Variants in PSD observed in about 807,000 individuals in gnomAD.
PSD encodes pleckstrin and Sec7 domain containing.
Under a neutral mutation model 91.6 loss-of-function variants are expected in PSD, and 32 were observed. The ratio of observed to expected loss-of-function variants is 0.35; its 90% CI spans 0.26 to 0.47. PSD has a LOEUF of 0.47. Among genes scored for constraint, PSD ranks in the 20% least tolerant of loss-of-function variants. PSD has a pLI of 1.00. For synonymous variants in PSD, 532 were observed against 569.3 expected (o/e 0.93, Z 0.93); for missense variants, 1,099 against 1,373.9 (o/e 0.80, Z 3.16).
chr10:102,410,718 T>C lies in PSD; in HGVS notation c.2091+140A>G, dbSNP rs2061416629. The C allele has an allele frequency of 2.8e-6, 2 of 710,552 alleles. No homozygotes were observed. Among genetic ancestry groups the C allele is most frequent in the Non-Finnish European group, 2.5e-6 (1 of 400,260 alleles). 44.0% of individuals were successfully genotyped at this position (710,552 alleles called of 1,614,324 possible). ...GGGAGGGGGCGGTCCCCAGGCTGAG[T>C]CACGAGAGCCCGGGCTTCCGTGGCA... On this transcript the variant is annotated intron_variant, in intron 10 of 16. Coordinates refer to ENST00000020673, the MANE Select transcript of PSD (RefSeq NM_002779.5). The surrounding 1 kb of genome is among the most constrained non-coding windows in gnomAD (Gnocchi z 6.0).
In PSD at chr10:102,416,716, T is replaced by A; in HGVS notation, c.323A>T (p.Lys108Met). ...SSVVIFRFVE[K>M]ASVRPLNGLP... ...CCCATTCAGTGGCCTCACACTGGCC[T>A]TCTCCACAAAGCGGAAGATGACCAC... Residue 108 changes from lysine (K) to methionine (M), a missense_variant, in exon 2 of 17, where the codon AAG becomes ATG. Lys to Met is a moderately conservative substitution (Grantham distance 95, BLOSUM62 -1). This residue lies in a region of PSD where 631 missense variants were observed against 728.8 expected (regional missense o/e 0.87). Coordinates refer to ENST00000020673, the MANE Select transcript of PSD (RefSeq NM_002779.5). This position sits in a 1 kb window ranked among gnomAD's most constrained non-coding sequence, Gnocchi z 6.0. 1 of 1,599,514 alleles carries A rather than the reference T, an allele frequency of 6.3e-7. No individual in the cohort carries two copies. Among genetic ancestry groups the A allele is most frequent in the South Asian group, 1.1e-5 (1 of 88,890 alleles).
At chr10:102,413,682 A>G (rs1039223838) in intron 5 of PSD, 87 bp downstream of exon 5, 70 of 1,372,102 alleles carry the variant, frequency 5.1e-5, no homozygotes, top group Non-Finnish European at 6.6e-5. Flanking sequence ...ATATAAACCA[A>G]TCCTCACACT....
In PSD at chr10:102,413,790, A is replaced by G; in HGVS notation, c.1532T>C (p.Leu511Pro). Reference protein sequence around the residue: ...SPCHSEDSLGLGAAPLGSEPP... With the variant: ...SPCHSEDSLGPGAAPLGSEPP... ...TTACCTGCCAAGGGGTGCTGCCCCC[A>G]GCCCAAGGCTGTCCTCTGAGTGGCA... Residue 511 changes from leucine (L) to proline (P), a missense_variant, in exon 5 of 17, where the codon CTG becomes CCG. By Grantham distance (98) the Leu-to-Pro change is moderately conservative. This residue lies in a region of PSD where 631 missense variants were observed against 728.8 expected (regional missense o/e 0.87). Transcript: ENST00000020673. 1 of 1,611,732 alleles carries G rather than the reference A, an allele frequency of 6.2e-7. No individual in the cohort carries two copies. The highest frequency in any genetic ancestry group is 8.5e-7 in the Non-Finnish European group (1 of 1,178,336).
intron 1 of PSD, 134 bp downstream of exon 1, chr10:102,418,567 A>T: frequency 2.7e-6 from 1 of 376,300 alleles, no homozygotes; most frequent in Non-Finnish European, 5.5e-6. Flanking sequence ...AACCAGGTAA[A>T]GGGGCCTCTG....
In PSD at chr10:102,414,475, A is replaced by G. The variant is rs1348123577; in HGVS notation, c.1125-278T>C. Among the ~76,000 whole-genome samples the G allele has an allele frequency of 2.0e-5, 3 of 146,880 alleles. No homozygotes were observed. Among genetic ancestry groups the G allele is most frequent in the Non-Finnish European group, 3.0e-5 (2 of 66,678 alleles). On this transcript the variant is annotated intron_variant, in intron 4 of 16. Coordinates refer to ENST00000020673, the MANE Select transcript of PSD (RefSeq NM_002779.5). The surrounding 1 kb of genome is among the most constrained non-coding windows in gnomAD (Gnocchi z 5.6). ...TGATCCGCTTCCCTTCTGCCATCCCATTTCTATTTCTAGCAACATCTTAGG... is the reference window on the plus strand; with the variant it reads ...TGATCCGCTTCCCTTCTGCCATCCCGTTTCTATTTCTAGCAACATCTTAGG...
Position 102,414,107 on chromosome 10 carries a change from C to T in PSD, c.1215G>A (p.Val405=). Reference sequence around the variant, plus strand: ...GGTGTGACTCCAGGATGGCTTCGAACACACAACTGAAAGAGTCAGGCCCAT... The same window carrying T: ...GGTGTGACTCCAGGATGGCTTCGAATACACAACTGAAAGAGTCAGGCCCAT... ...SADGPDSFSC[V]FEAILESHRA... Residue 405 remains valine, a synonymous_variant, in exon 5 of 17, where the codon GTG becomes GTA. Transcript: ENST00000020673. This position sits in a 1 kb window ranked among gnomAD's most constrained non-coding sequence, Gnocchi z 5.6. The T allele has an allele frequency of 1.2e-6, 2 of 1,614,108 alleles. No individual in the cohort carries two copies. Among genetic ancestry groups the T allele is most frequent in the East Asian group, 2.2e-5 (1 of 44,878 alleles).
At chr10:102,408,853 C>A (rs2061393346) in intron 10 of PSD, 1 of 984,190 alleles carries the variant, frequency 1.0e-6, no homozygotes, top group Non-Finnish European at 1.2e-6. Flanking sequence ...CCCCCTCGGT[C>A]GCCCCGCAAC....
At position 102,404,302 on chromosome 10, in the gene PSD, C is replaced by T. The variant is rs1223659080; in HGVS notation, c.2700+281G>A. Among the ~76,000 whole-genome samples, 4 of 148,084 alleles carry T rather than the reference C, an allele frequency of 2.7e-5. No individual in the cohort carries two copies. Among genetic ancestry groups the T allele is most frequent in the Non-Finnish European group, 4.4e-5 (3 of 67,612 alleles). The stretch of plus-strand genomic sequence containing the variant: ...GGCAGAGCTTGCAGTGAGCTGAGAT[C>T]GTGCCACGGCACTCCCACCTGGGCA... On this transcript the variant is annotated intron_variant, in intron 15 of 16. Coordinates refer to ENST00000020673, the MANE Select transcript of PSD (RefSeq NM_002779.5). This position sits in a 1 kb window ranked among gnomAD's most constrained non-coding sequence, Gnocchi z 5.7.
rs375172432 is a variant in PSD at position 102,411,014 on chromosome 10, C to T, written c.2001+44G>A. The T allele has an allele frequency of 1.1e-5, 17 of 1,613,264 alleles. No individual in the cohort carries two copies. The African/African-American group carries it at 2.3e-4, about 22-fold the overall frequency. On this transcript the variant is annotated intron_variant, in intron 9 of 16. Coordinates refer to ENST00000020673, the MANE Select transcript of PSD (RefSeq NM_002779.5). ...GGCCTCCCAGGTCCTGCATGTCTGGCCAGGGGTTTGTTTTCCGGCTCCTGC... is the reference window on the plus strand; with the variant it reads ...GGCCTCCCAGGTCCTGCATGTCTGGTCAGGGGTTTGTTTTCCGGCTCCTGC...
chr10:102,410,798 T>G lies in PSD; in HGVS notation c.2091+60A>C. 8.2e-6 allele frequency: 10 copies of G among 1,225,726 alleles called. No homozygotes were observed. The highest frequency in any genetic ancestry group is 1.2e-5 in the Non-Finnish European group (10 of 832,732). The allele number at this position is 1,225,726 out of a possible 1,614,324, so 75.9% of individuals were successfully genotyped here. A position where few individuals can be genotyped will look rare whatever the true frequency, so the allele number is the denominator to read the frequency against. On this transcript the variant is annotated intron_variant, in intron 10 of 16. Coordinates refer to ENST00000020673, the MANE Select transcript of PSD (RefSeq NM_002779.5). The surrounding 1 kb of genome is among the most constrained non-coding windows in gnomAD (Gnocchi z 6.0). ...GCCCTCCCTCCGACTCTGGACTCCGTCGCCGACTGGGTCCTCCATCCTTCC... is the reference window on the plus strand; with the variant it reads ...GCCCTCCCTCCGACTCTGGACTCCGGCGCCGACTGGGTCCTCCATCCTTCC...
rs942638819 is a variant in PSD, at chr10:102,403,980, C to T, written c.2706G>A (p.Glu902=). 2.6e-6 allele frequency: 4 copies of T among 1,553,914 alleles called. No individual in the cohort carries two copies. In the African/African-American group the frequency reaches 5.4e-5, roughly 21 times the overall value. ...GCTTGGCCTCGTGGGTCCGCACCTG[C>T]TCCTCCTAGCGGCCAGGGGGAGGCA... ...PSAATRLSQE[E]QVRTHEAKLK... The change falls in exon 16 of 17, where the codon GAG becomes GAA. Residue 902 remains glutamate (E), a synonymous_variant. Transcript: ENST00000020673. This position sits in a 1 kb window ranked among gnomAD's most constrained non-coding sequence, Gnocchi z 6.7.
At chr10:102,407,538 C>T (rs779064051) in intron 10 of PSD, among the ~76,000 whole-genome samples, 8 of 152,160 alleles carry the variant, frequency 5.3e-5, no homozygotes, top group Non-Finnish European at 8.8e-5. Flanking sequence ...ACAAGGCTGA[C>T]GCACAGTAAA....
intron 7 of PSD, 90 bp from the exon 8 acceptor site, chr10:102,411,909 C>G: frequency 9.7e-7 from 1 of 1,028,434 alleles, no homozygotes; most frequent in East Asian, 2.5e-5. Flanking sequence ...AGTACAGCAG[C>G]TGGGGTGGGA....
At position 102,404,823 on chromosome 10, in the gene PSD, A is replaced by C; in HGVS notation, c.2555+75T>G. On this transcript the variant is annotated intron_variant, in intron 14 of 16. Coordinates refer to ENST00000020673, the MANE Select transcript of PSD (RefSeq NM_002779.5). The surrounding 1 kb of genome is among the most constrained non-coding windows in gnomAD (Gnocchi z 5.7). ...AGTGTGGCCTGAGAAGGAATGAAAA[A>C]ATCCAGGGACAGGGAGGGGAGCAGG... 1 of 1,577,194 alleles carries C rather than the reference A, an allele frequency of 6.3e-7. No individual in the cohort carries two copies. Among genetic ancestry groups the C allele is most frequent in the Non-Finnish European group, 8.6e-7 (1 of 1,160,044 alleles).
chr10:102,410,262 T>G lies in PSD; in HGVS notation c.2091+596A>C, dbSNP rs542348698. On this transcript the variant is annotated intron_variant, in intron 10 of 16. Transcript: ENST00000020673. This position sits in a 1 kb window ranked among gnomAD's most constrained non-coding sequence, Gnocchi z 6.0. Reference sequence around the variant, plus strand: ...TCTCCTACCGGCACCAGCCCCTACGTATCTGAGCCCTCGGTTGCGGGCCAT... The same window carrying G: ...TCTCCTACCGGCACCAGCCCCTACGGATCTGAGCCCTCGGTTGCGGGCCAT... 2.2e-3 allele frequency among the ~76,000 whole-genome samples: 329 copies of G among 152,282 alleles called. No individual in the cohort carries two copies. Among genetic ancestry groups the G allele is most frequent in the Non-Finnish European group, 4.2e-3 (284 of 68,014 alleles).
rs537822139 is a variant in PSD, at chr10:102,404,115, A to G, written c.2701-130T>C. The stretch of plus-strand genomic sequence containing the variant: ...TGTAATCCCAGCACTTTGGGAGGCC[A>G]AGGCGGGCGGATCACGAGGTCAGGA... On this transcript the variant is annotated intron_variant, in intron 15 of 16. Transcript: ENST00000020673. The surrounding 1 kb of genome is among the most constrained non-coding windows in gnomAD (Gnocchi z 5.7). 152 of 1,141,568 alleles carry G rather than the reference A, an allele frequency of 1.3e-4. No individual in the cohort carries two copies. In the African/African-American group the frequency reaches 1.9e-3, roughly 14 times the overall value. The allele number at this position is 1,141,568 out of a possible 1,614,324, so 70.7% of individuals were successfully genotyped here.
At position 102,416,583 on chromosome 10, in the gene PSD, T is replaced by C; in HGVS notation, c.456A>G (p.Glu152=). Residue 152 remains glutamate, a synonymous_variant, in exon 2 of 17, where the codon GAA becomes GAG. Coordinates refer to ENST00000020673, the MANE Select transcript of PSD (RefSeq NM_002779.5). This position sits in a 1 kb window ranked among gnomAD's most constrained non-coding sequence, Gnocchi z 6.0. ...GPGSNRKLRL[E]ASTSDPLPAR... is the part of the protein sequence containing the mutation. ...CGGGGAGTGGGTCTGATGTGGATGC[T>C]TCCAGCCGTAACTTCCGGTTGGAGC... 2 of 1,594,294 alleles carry C rather than the reference T, an allele frequency of 1.3e-6. No homozygotes were observed. The highest frequency in any genetic ancestry group is 1.7e-6 in the Non-Finnish European group (2 of 1,169,688).
Position 102,410,970 on chromosome 10 carries a change from G to A in PSD, c.2002-23C>T. ...GTTCTAAGGAAGGGAACGGAGGCCT[G>A]TGAGTTTGGAGGGCCCTTGGCCTCC... On this transcript the variant is annotated intron_variant, in intron 9 of 16. Transcript: ENST00000020673. The surrounding 1 kb of genome is among the most constrained non-coding windows in gnomAD (Gnocchi z 6.0). 6.2e-7 allele frequency: 1 copy of A among 1,612,608 alleles called. No homozygotes were observed. The highest frequency in any genetic ancestry group is 1.7e-5 in the Admixed American group (1 of 60,022).
At position 102,413,950 on chromosome 10, in the gene PSD, G is replaced by A. The variant is rs866753563; in HGVS notation, c.1372C>T (p.Pro458Ser). The A allele has an allele frequency of 6.2e-7, 1 of 1,613,930 alleles. No homozygotes were observed. The highest frequency in any genetic ancestry group is 8.5e-7 in the Non-Finnish European group (1 of 1,179,864). ...GGTTCAAGAGGGGCAAGTGGGGCGG[G>A]AGCTGGTGGGTCGGGCCGGGGTGCA... ...PPAPRPDPPA[P>S]APLAPLEPDS... Residue 458 changes from proline (P) to serine (S), a missense_variant, in exon 5 of 17, where the codon CCC becomes TCC. Around this residue, in one of 3 missense-constraint regions of PSD, gnomAD observed 631 missense variants for 728.8 expected, o/e 0.87. Coordinates refer to ENST00000020673, the MANE Select transcript of PSD (RefSeq NM_002779.5).
Sources: gnomAD v4.1 joint callset for allele counts (sites outside exome capture counted in the v4.1 genomes callset) on GRCh38, gnomAD v4.1.1 for gene constraint, gnomAD v4.1.1 regional missense constraint, Gnocchi (gnomAD v3.1) non-coding constraint, MANE v1.5 for transcripts, NCBI Gene and HGNC (gene_info 2026-07-23, HGNC 2026-07-21) for gene names.